FANCD2: variants seen among roughly 807,000 people sequenced by gnomAD.
The protein encoded by FANCD2 is Fanconi anemia group D2 protein.
FANCD2 carries 131 observed loss-of-function variants against 192.3 expected under a neutral mutation model. The ratio of observed to expected loss-of-function variants is 0.68; its 90% CI spans 0.59 to 0.79. The LOEUF (loss-of-function observed/expected upper bound fraction) is 0.79, where lower values mean the gene tolerates loss of function less well. Among genes scored for constraint, FANCD2 ranks in the 30% least tolerant of loss-of-function variants. FANCD2 has a pLI of 0.00. For missense variants in FANCD2, 1,508 were observed against 1,701.6 expected (o/e 0.89, Z 2.00); for synonymous variants, 524 against 612.5 (o/e 0.86, Z 2.13).
rs150256384 is a variant in FANCD2 at position 10,097,530 on chromosome 3, G to A, written c.4185+1058G>A. ...AGGAAGAGAAACATGGTTCTGTTCC[G>A]CCCGGCTCACCGGCGGTCAGAGTTT... On this transcript the variant is annotated intron_variant, in intron 42 of 43. Coordinates refer to ENST00000675286, the MANE Select transcript of FANCD2 (RefSeq NM_001018115.3). Among the ~76,000 whole-genome samples, 495 of 152,272 alleles carry A rather than the reference G, an allele frequency of 3.3e-3. 10 individuals carry two copies. In the South Asian group the frequency reaches 0.04, roughly 12 times the overall value.
At chr3:10,053,133 G>C (rs1165108563) in intron 18 of FANCD2, among the ~76,000 whole-genome samples, 1 of 148,032 alleles carries the variant, frequency 6.8e-6, no homozygotes, top group African/African-American at 2.5e-5. Context: ...CAACCCAGAT[G>C]TCCAACAATG....
intron 34 of FANCD2, among the ~76,000 whole-genome samples, chr3:10,087,565 A>C (rs1422425962): frequency 2.6e-5 from 4 of 152,134 alleles, no homozygotes; most frequent in African/African-American, 9.7e-5. Flanking sequence ...TGACAAAACG[A>C]GACATAAATC....
chr3:10,100,456 C>T (rs1291228965), intron 43 of FANCD2, among the ~76,000 whole-genome samples: 3 of 152,206 alleles, frequency 2.0e-5, no homozygotes, highest in Non-Finnish European at 4.4e-5. Flanking sequence ...TCACTGCAGT[C>T]TGTCTCCCGA....
At position 10,067,239 on chromosome 3, in the gene FANCD2, C is replaced by T. The variant is rs2125038962; in HGVS notation, c.2416C>T (p.Pro806Ser). The T allele has an allele frequency of 1.9e-6, 3 of 1,613,234 alleles. No individual in the cohort carries two copies. The highest frequency in any genetic ancestry group is 2.2e-5 in the East Asian group (1 of 44,882). The change falls in exon 26 of 44, where the codon CCT becomes TCT. Residue 806 changes from proline to serine, a missense_variant. Physicochemically the swap from Pro to Ser is moderately conservative, Grantham distance 74. This residue lies in a region of FANCD2 where 796 missense variants were observed against 879.4 expected (regional missense o/e 0.91). Coordinates refer to ENST00000675286, the MANE Select transcript of FANCD2 (RefSeq NM_001018115.3). ...IVNAFCQETS[P>S]EMKGKVLTRL... ...AAATGCCTTCTGCCAGGAAACATCA[C>T]CTGAGATGAAGGGGAAGGTGCTCAC... is the stretch of plus-strand genomic sequence containing the variant.
chr3:10,027,853 C>G (rs1429876959), intron 1 of FANCD2, among the ~76,000 whole-genome samples: 1 of 144,152 alleles, frequency 6.9e-6, no homozygotes, highest in Non-Finnish European at 1.5e-5. Flanking sequence ...TGCAGTGAGC[C>G]GAGGCTGCAC....
chr3:10,079,911 T>A (rs918683336), intron 30 of FANCD2, among the ~76,000 whole-genome samples: 1 of 151,852 alleles, frequency 6.6e-6, no homozygotes, highest in Non-Finnish European at 1.5e-5. Context: ...TCATTTTTCT[T>A]CTTCGTCTTC....
intron 18 of FANCD2, chr3:10,057,932 T>G: frequency 3.6e-6 from 1 of 279,508 alleles, no homozygotes; most frequent in Non-Finnish European, 7.3e-6. Flanking sequence ...AAAAAAGTCA[T>G]GAGATATTTG....
At chr3:10,090,507 T>C (rs1424110508) in intron 37 of FANCD2, 122 bp downstream of exon 37, 3 of 632,362 alleles carry the variant, frequency 4.7e-6, no homozygotes, top group Non-Finnish European at 8.1e-6. Flanking sequence ...TTGCCCAGAC[T>C]GGAGTGCAGT....
chr3:10,057,610 G>A (rs963211464), intron 18 of FANCD2, among the ~76,000 whole-genome samples: 2 of 152,032 alleles, frequency 1.3e-5, no homozygotes, highest in Non-Finnish European at 2.9e-5. Context: ...TGATCTGCCT[G>A]TCTCAGCCCC....
At chr3:10,072,341 C>T (rs1473381022) in intron 26 of FANCD2, among the ~76,000 whole-genome samples, 3 of 147,606 alleles carry the variant, frequency 2.0e-5, no homozygotes, top group Non-Finnish European at 3.0e-5. Flanking sequence ...TGTGGTGGTG[C>T]GATCTCTGCT....
Position 10,101,468 on chromosome 3 carries a change from C to T in FANCD2, c.*206C>T. ...TGCTGCAATCTTGGCTCACTGCAAC[C>T]TCCATCTCCTAGGTTCAAGCGATTC... On this transcript the variant is annotated 3_prime_UTR_variant, in exon 44 of 44. Coordinates refer to ENST00000675286, the MANE Select transcript of FANCD2 (RefSeq NM_001018115.3). The T allele has an allele frequency of 1.9e-6, 1 of 526,292 alleles. No individual in the cohort carries two copies. Among genetic ancestry groups the T allele is most frequent in the Non-Finnish European group, 3.4e-6 (1 of 292,834 alleles). 32.6% of individuals were successfully genotyped at this position (526,292 alleles called of 1,614,324 possible).
In FANCD2 at chr3:10,064,848, C is replaced by T. The variant is rs3864017; in HGVS notation, c.2141C>T (p.Pro714Leu). ...FSQDFAKDGG[P>L]VTSQESGQKL... is the part of the protein sequence containing the mutation. ...CAGGACTTTGCAAAAGATGGGGGTC[C>T]GGTGACCTCACAGGAATCAGGCCAA... The change falls in exon 23 of 44, where the codon CCG becomes CTG. Residue 714 changes from proline (P) to leucine (L), a missense_variant. By Grantham distance (98) the Pro-to-Leu change is moderately conservative (BLOSUM62 -3). This residue lies in a region of FANCD2 where 796 missense variants were observed against 879.4 expected (regional missense o/e 0.91). Coordinates refer to ENST00000675286, the MANE Select transcript of FANCD2 (RefSeq NM_001018115.3). 228,700 of 1,536,518 alleles carry T rather than the reference C, an allele frequency of 0.15. 14,248 individuals are homozygous for T. Among genetic ancestry groups the T allele is most frequent in the African/African-American group, 0.28 (19,816 of 71,332 alleles).
chr3:10,095,239 A>G lies in FANCD2; in HGVS notation c.4003A>G (p.Thr1335Ala). 2 of 1,614,186 alleles carry G rather than the reference A, an allele frequency of 1.2e-6. No individual in the cohort carries two copies. The highest frequency in any genetic ancestry group is 2.2e-5 in the East Asian group (1 of 44,894). ...CTTACTGGAAACCTTCCAGTTGGACACAAGGCTGCTTCATCACCTGTGTGG... is the reference window on the plus strand; with the variant it reads ...CTTACTGGAAACCTTCCAGTTGGACGCAAGGCTGCTTCATCACCTGTGTGG... ...LSLLETFQLD[T>A]RLLHHLCGHS... Residue 1335 changes from threonine to alanine, a missense_variant, in exon 41 of 44, where the codon ACA (threonine) becomes GCA (alanine). By Grantham distance (58) the Thr-to-Ala change is moderately conservative (BLOSUM62 0). This residue lies in a region of FANCD2 where 796 missense variants were observed against 879.4 expected (regional missense o/e 0.91). Transcript: ENST00000675286.
intron 21 of FANCD2, 92 bp from the exon 22 acceptor site, chr3:10,064,264 A>G (rs991706528): frequency 2.0e-5 from 18 of 905,508 alleles, no homozygotes; most frequent in African/African-American, 3.3e-5. Context: ...GAAATGAGGG[A>G]ACTGAGACTT....
intron 26 of FANCD2, 71 bp downstream of exon 26, chr3:10,067,388 T>G (rs2087750952): frequency 1.1e-6 from 1 of 889,018 alleles, no homozygotes; most frequent in Non-Finnish European, 1.9e-6. Flanking sequence ...TAGCTTTCCC[T>G]GATACCAAAA....
intron 42 of FANCD2, among the ~76,000 whole-genome samples, chr3:10,096,912 C>T (rs981774066): frequency 4.6e-5 from 7 of 152,076 alleles, no homozygotes; most frequent in African/African-American, 1.4e-4. Flanking sequence ...CCGATAATCA[C>T]GTAGGTTCTT....
intron 18 of FANCD2, among the ~76,000 whole-genome samples, chr3:10,060,023 C>T (rs757311892): frequency 2.6e-5 from 4 of 151,772 alleles, no homozygotes; most frequent in African/African-American, 4.8e-5. Context: ...CAAAATAAGC[C>T]GGGCATGGTG....
intron 30 of FANCD2, among the ~76,000 whole-genome samples, chr3:10,080,661 C>T (rs1279434521): frequency 6.6e-6 from 1 of 152,096 alleles, no homozygotes; most frequent in Non-Finnish European, 1.5e-5. Flanking sequence ...GTCTCAGATA[C>T]TCAGGAGGCT....
At chr3:10,087,382 G>A (rs2125073988) in intron 34 of FANCD2, 118 bp downstream of exon 34, 1 of 942,872 alleles carries the variant, frequency 1.1e-6, no homozygotes, top group South Asian at 1.5e-5. Context: ...CATAACCTTG[G>A]ATAGGCCCTC....
Sources: allele counts gnomAD v4.1 joint callset (sites outside exome capture counted in the v4.1 genomes callset), GRCh38; gene constraint gnomAD v4.1.1; regional missense constraint gnomAD v4.1.1; transcripts MANE v1.5; gene names NCBI Gene and HGNC (gene_info 2026-07-23, HGNC 2026-07-21).